Variants in EXD1 observed in about 807,000 individuals in gnomAD.
The protein encoded by EXD1 is exonuclease 3'-5' domain containing 1.
In EXD1, 63 loss-of-function variants were observed where a neutral mutation model predicts 49.1. The observed-to-expected ratio is 1.28, with a 90% CI of 1.05 to 1.58. The LOEUF (loss-of-function observed/expected upper bound fraction) is 1.58. Among genes scored for constraint, EXD1 ranks in the 40% most tolerant of loss-of-function variants. The probability of loss-of-function intolerance (pLI) is 0.00; values close to 1 mark genes in which losing one functional copy is unlikely to be tolerated. For synonymous variants in EXD1, 234 were observed against 239.2 expected, an observed-to-expected ratio of 0.98 and a Z score of 0.20; for missense variants, 748 against 666.0, an observed-to-expected ratio of 1.12 and a Z score of -1.36.
At chr15:41,221,865 G>A (rs1351319637) in intron 2 of EXD1, among the ~76,000 whole-genome samples, 1 of 151,906 alleles carries the variant, frequency 6.6e-6, no homozygotes, top group Admixed American at 6.6e-5. Flanking sequence ...CACTTGAGAG[G>A]CTGAGGCGGG....
intron 3 of EXD1, among the ~76,000 whole-genome samples, chr15:41,219,300 G>A (rs981260499): frequency 1.3e-5 from 2 of 152,024 alleles, no homozygotes; most frequent in Admixed American, 6.6e-5. Context: ...TGTAACTCTT[G>A]GTGGCAAAAC....
At chr15:41,206,432 C>T (rs2046821736) in intron 7 of EXD1, among the ~76,000 whole-genome samples, 1 of 142,814 alleles carries the variant, frequency 7.0e-6, no homozygotes, top group Non-Finnish European at 1.5e-5. Context: ...CAAGAGATTG[C>T]ACCACTGCAC....
intron 9 of EXD1, 115 bp from the exon 10 acceptor site, chr15:41,191,700 A>C: frequency 1.1e-6 from 1 of 935,604 alleles, no homozygotes; most frequent in South Asian, 2.1e-5. Context: ...GACCCACACG[A>C]TAGACCATGT....
chr15:41,206,082 A>G (rs2140869859), intron 7 of EXD1, among the ~76,000 whole-genome samples: 2 of 152,202 alleles, frequency 1.3e-5, no homozygotes, highest in South Asian at 4.1e-4. Context: ...TGGGTGCAAT[A>G]AAGGAGCAAA....
At chr15:41,229,920 C>T (rs754248648) in intron 1 of EXD1, among the ~76,000 whole-genome samples, 9 of 152,032 alleles carry the variant, frequency 5.9e-5, no homozygotes, top group Non-Finnish European at 1.3e-4. Context: ...AAGCCTGCTA[C>T]GACAAAAATA....
intron 11 of EXD1, among the ~76,000 whole-genome samples, chr15:41,187,857 A>C (rs564997842): frequency 6.6e-6 from 1 of 152,062 alleles, no homozygotes; most frequent in East Asian, 1.9e-4. Flanking sequence ...CTCTACTAAA[A>C]ATACAAAATT....
intron 7 of EXD1, among the ~76,000 whole-genome samples, chr15:41,206,474 GAAA>G (rs34195951): frequency 0.23 from 19,787 of 86,886 alleles, 1,712 homozygotes; most frequent in South Asian, 0.35. Context: ...ACCCTGTCTC[GAAA>G]AAAAAAAAAA....
At chr15:41,218,630 TTC>T (rs1272121118) in intron 3 of EXD1, among the ~76,000 whole-genome samples, 1 of 152,084 alleles carries the variant, frequency 6.6e-6, no homozygotes, top group Non-Finnish European at 1.5e-5. Flanking sequence ...ATTCCTTCAC[TTC>T]TCTCTACAAA....
chr15:41,205,716 A>AGG (rs2046812238), intron 7 of EXD1, among the ~76,000 whole-genome samples: 1 of 77,690 alleles, frequency 1.3e-5, no homozygotes, highest in African/African-American at 1.1e-4. Flanking sequence ...GGAGGGAAGG[A>AGG]GAGAAGGAGG....
In EXD1 at chr15:41,219,859, T is replaced by G. The variant is rs561675471; in HGVS notation, c.173A>C (p.Lys58Thr). Residue 58 changes from lysine to threonine, a missense_variant, in exon 3 of 12, where the codon AAG (lysine) becomes ACG (threonine). Physicochemically the swap from Lys to Thr is moderately conservative, Grantham distance 78 (BLOSUM62 -1). Transcript: ENST00000458580. ...CACAATCTCATGCCCAAAAAACAACTTCACTCCTGGGACACTTCGACCTGT... is the reference window on the plus strand; with the variant it reads ...CACAATCTCATGCCCAAAAAACAACGTCACTCCTGGGACACTTCGACCTGT... ...VETGRSVPGV[K>T]LFFGHEIVNV... 1 of 1,535,818 alleles carries G rather than the reference T, an allele frequency of 6.5e-7. No individual in the cohort carries two copies. The highest frequency in any genetic ancestry group is 1.2e-5 in the South Asian group (1 of 84,050).
chr15:41,220,312 G>A (rs1244605414), intron 2 of EXD1, among the ~76,000 whole-genome samples: 10 of 150,516 alleles, frequency 6.6e-5, no homozygotes, highest in Non-Finnish European at 5.9e-5. Context: ...GTTCTGTCAC[G>A]TAGGCTGCAG....
At chr15:41,209,183 G>A (rs2046882645) in intron 7 of EXD1, among the ~76,000 whole-genome samples, 1 of 152,116 alleles carries the variant, frequency 6.6e-6, no homozygotes, top group Non-Finnish European at 1.5e-5. Context: ...CAGTGACTAG[G>A]GGGGCTAAAG....
intron 7 of EXD1, among the ~76,000 whole-genome samples, chr15:41,208,369 G>A (rs57532921): frequency 0.03 from 1,882 of 62,364 alleles, 120 homozygotes; most frequent in African/African-American, 0.079. Flanking sequence ...ACTCATCTCT[G>A]AAAAAAAAAA....
At chr15:41,188,974 T>C (rs1409162892) in intron 11 of EXD1, among the ~76,000 whole-genome samples, 5 of 151,588 alleles carry the variant, frequency 3.3e-5, no homozygotes, top group Non-Finnish European at 7.4e-5. Context: ...GGCTCATTTT[T>C]TGTATTTTTA....
At chr15:41,209,610 G>A (rs1595447383) in intron 6 of EXD1, 23 bp from the exon 7 acceptor site, 3 of 1,602,976 alleles carry the variant, frequency 1.9e-6, no homozygotes, top group Non-Finnish European at 2.6e-6. Context: ...AGAAGGAAAG[G>A]AAAAACTTTC....
At chr15:41,219,601 T>G in intron 3 of EXD1, 1 of 372,090 alleles carries the variant, frequency 2.7e-6, no homozygotes, top group South Asian at 9.2e-5. Context: ...AACTGCCTGC[T>G]GGTCCGAGTC....
chr15:41,185,803 G>A (rs773522273), intron 11 of EXD1, among the ~76,000 whole-genome samples: 77 of 152,118 alleles, frequency 5.1e-4, no homozygotes, highest in Non-Finnish European at 8.4e-4. Flanking sequence ...TTATAAGCAT[G>A]AGCCACCACA....
intron 6 of EXD1, among the ~76,000 whole-genome samples, chr15:41,211,066 TTTTTGTTTTG>T (rs1047208530): frequency 6.6e-6 from 1 of 152,094 alleles, no homozygotes. Context: ...CTTTTTTTGT[TTTTTGTTTTG>T]TTTTGTTTTG....
In EXD1 at chr15:41,190,030, G is replaced by T. The variant is rs1347978807; in HGVS notation, c.963C>A (p.Leu321=). Residue 321 remains leucine (L), a synonymous_variant, in exon 11 of 12, where the codon CTC becomes CTA. Transcript: ENST00000458580. ...TTAGGTCAGACATCATCTCATCTAG[G>T]AGTGCCAAGCGAAGGGGTAACAGGT... is the stretch of plus-strand genomic sequence containing the variant. ...ATYLLPLRLA[L]LDEMMSDLTT... is the part of the protein sequence containing the mutation. 2 of 1,613,990 alleles carry T rather than the reference G, an allele frequency of 1.2e-6. No individual in the cohort carries two copies. Among genetic ancestry groups the T allele is most frequent in the South Asian group, 2.2e-5 (2 of 91,080 alleles).
Sources: allele counts gnomAD v4.1 joint callset (sites outside exome capture counted in the v4.1 genomes callset), GRCh38; gene constraint gnomAD v4.1.1; transcripts MANE v1.5; gene names NCBI Gene and HGNC (gene_info 2026-07-23, HGNC 2026-07-21).